Variants in ACAT2 observed in about 807,000 individuals in gnomAD.
ACAT2 encodes the protein acetyl-CoA acetyltransferase 2.
A neutral mutation model predicts 37.1 loss-of-function variants in ACAT2; 26 were observed. The ratio of observed to expected loss-of-function variants is 0.70; its 90% confidence interval spans 0.51 to 0.97. The LOEUF is 0.97. Among genes scored for constraint, ACAT2 ranks in the 50% least tolerant of loss-of-function variants. ACAT2 has a pLI of 0.00. For missense variants in ACAT2, 468 were observed against 489.0 expected (o/e 0.96, Z 0.40); for synonymous variants, 156 against 163.6 (o/e 0.95, Z 0.35).
At chr6:159,764,549 A>G (rs1041376696) in intron 2 of ACAT2, among the ~76,000 whole-genome samples, 1 of 152,114 alleles carries the variant, frequency 6.6e-6, no homozygotes, top group Non-Finnish European at 1.5e-5. Flanking sequence ...GCTCCACGGT[A>G]TCCTCCCACC....
chr6:159,776,852 A>G (rs9355750), intron 6 of ACAT2, among the ~76,000 whole-genome samples: 33,349 of 151,702 alleles, frequency 0.22, 3,837 homozygotes, highest in East Asian at 0.4. Context: ...GCAGTGGTGC[A>G]ATCTTGGCTC....
intron 2 of ACAT2, 45 bp downstream of exon 2, chr6:159,763,098 G>A: frequency 1.3e-6 from 2 of 1,582,054 alleles, no homozygotes; most frequent in Non-Finnish European, 1.7e-6. Flanking sequence ...ATTAGAAACA[G>A]CCCATAAACA....
chr6:159,762,796 G>A (rs764857167), intron 1 of ACAT2, 123 bp from the exon 2 acceptor site: 1 of 1,595,112 alleles, frequency 6.3e-7, no homozygotes, highest in Admixed American at 1.7e-5. Flanking sequence ...ACGTGTGGGA[G>A]GAGAGGGCAC....
At position 159,778,423 on chromosome 6, in the gene ACAT2, T is replaced by TAAA. The variant is rs1562480807; in HGVS notation, c.1023+143_1023+144insAAA. 6.9e-3 allele frequency: 579 copies of TAAA among 83,916 alleles called. 3 individuals carry two copies. Among genetic ancestry groups the TAAA allele is most frequent in the South Asian group, 0.024 (72 of 2,954 alleles). 5.2% of individuals were successfully genotyped at this position (83,916 alleles called of 1,614,324 possible). On this transcript the variant is annotated intron_variant, in intron 8 of 8. Transcript: ENST00000367048. ...GACTGAGTTCATTACTTCCCAAGGT[T>TAAA]TAAAAAAAAAAAAAAAAAAAAAAAA...
chr6:159,776,936 A>G (rs78846709), intron 6 of ACAT2, among the ~76,000 whole-genome samples: 1 of 152,144 alleles, frequency 6.6e-6, no homozygotes, highest in Non-Finnish European at 1.5e-5. Flanking sequence ...CTACAGGCGC[A>G]CACCACCACA....
At position 159,777,462 on chromosome 6, in the gene ACAT2, T is replaced by C; in HGVS notation, c.912+6T>C. On this transcript the variant is annotated splice_donor_region_variant and intron_variant, in intron 7 of 8. Coordinates refer to ENST00000367048, the MANE Select transcript of ACAT2 (RefSeq NM_005891.3). ...TTCCAGCCATAAAGCAAGCTGTGAG[T>C]ATAACCCTATTCCCTTTTATGAAAT... 1.9e-6 allele frequency: 3 copies of C among 1,610,674 alleles called. No individual in the cohort carries two copies. In the East Asian group the frequency reaches 6.7e-5, roughly 36 times the overall value.
chr6:159,762,362 C>A, intron 1 of ACAT2: 1 of 1,311,284 alleles, frequency 7.6e-7, no homozygotes, highest in South Asian at 1.6e-5. Context: ...CTCCGTCCCT[C>A]GTGCTTGGAT....
intron 2 of ACAT2, among the ~76,000 whole-genome samples, chr6:159,763,606 C>G (rs1780196722): frequency 6.6e-6 from 1 of 150,448 alleles, no homozygotes; most frequent in Non-Finnish European, 1.5e-5. Flanking sequence ...TGACCTACAC[C>G]ACCTACACTG....
chr6:159,773,365 T>C (rs888364880), intron 4 of ACAT2, among the ~76,000 whole-genome samples: 1 of 152,090 alleles, frequency 6.6e-6, no homozygotes, highest in African/African-American at 2.4e-5. Flanking sequence ...CAACAAGCAG[T>C]CCTGACACCC....
chr6:159,766,395 A>ACCC (rs77560449), intron 2 of ACAT2, among the ~76,000 whole-genome samples: 4 of 148,462 alleles, frequency 2.7e-5, no homozygotes, highest in African/African-American at 9.9e-5. Flanking sequence ...TTATTTAAGC[A>ACCC]CCCCCCCGCA....
At chr6:159,765,147 A>C (rs1780233176) in intron 2 of ACAT2, among the ~76,000 whole-genome samples, 1 of 151,980 alleles carries the variant, frequency 6.6e-6, no homozygotes, top group Admixed American at 6.6e-5. Flanking sequence ...ATGGAGTCCC[A>C]CTCTGTTGCC....
chr6:159,779,002 G>T lies in ACAT2; in HGVS notation c.*173G>T. On this transcript the variant is annotated 3_prime_UTR_variant, in exon 9 of 9. Transcript: ENST00000367048. ...GTGTAATACTCAACTCAAGGTACAA[G>T]ACAATTGCATTTAACATTGTTATAA... 6.3e-7 allele frequency: 1 copy of T among 1,591,788 alleles called. No homozygotes were observed. The highest frequency in any genetic ancestry group is 8.6e-7 in the Non-Finnish European group (1 of 1,163,652).
chr6:159,770,548 G>A (rs546501826), intron 4 of ACAT2, among the ~76,000 whole-genome samples: 20 of 152,060 alleles, frequency 1.3e-4, no homozygotes, highest in East Asian at 3.9e-4. Flanking sequence ...ATGGTGGCTC[G>A]CACCTGTAAT....
chr6:159,762,977 C>A lies in ACAT2; in HGVS notation c.114C>A (p.Ile38=), dbSNP rs202072212. 1.5e-5 allele frequency: 25 copies of A among 1,614,150 alleles called. No homozygotes were observed. In the East Asian group the frequency reaches 4.0e-4, roughly 26 times the overall value. ...TCCAGGACCTGGGCTCCACTGTCAT[C>A]AAAGAAGTCTTGAAGAGGGCCACTG... The part of the protein sequence containing the change: ...VPVQDLGSTV[I]KEVLKRATVA... The change falls in exon 2 of 9, where the codon ATC becomes ATA. Residue 38 remains isoleucine (I), a synonymous_variant. Transcript: ENST00000367048.
intron 4 of ACAT2, among the ~76,000 whole-genome samples, chr6:159,769,841 G>C (rs867468277): frequency 1.3e-5 from 2 of 152,206 alleles, no homozygotes; most frequent in African/African-American, 2.4e-5. Context: ...AAGAAAAAAA[G>C]AGCTCCAGAA....
intron 2 of ACAT2, among the ~76,000 whole-genome samples, chr6:159,763,540 A>G (rs1780194777): frequency 6.6e-6 from 1 of 151,874 alleles, no homozygotes; most frequent in African/African-American, 2.4e-5. Flanking sequence ...CCTTCTCTAA[A>G]CAAACAAAAA....
chr6:159,776,342 CTTTATTTATA>C (rs1780413463), intron 6 of ACAT2, 70 bp downstream of exon 6: 1 of 1,529,012 alleles, frequency 6.5e-7, no homozygotes, highest in African/African-American at 1.4e-5. Flanking sequence ...ATATTTTTCT[CTTTATTTATA>C]TACAAAAGTA....
At chr6:159,778,599 TAAGATTTTA>T (rs2114987810) in intron 8 of ACAT2, 51 bp from the exon 9 acceptor site, 1 of 1,565,588 alleles carries the variant, frequency 6.4e-7, no homozygotes, top group East Asian at 2.3e-5. Flanking sequence ...AAGACAAGTT[TAAGATTTTA>T]AACTGTGTCC....
chr6:159,765,226 C>G (rs1780234830), intron 2 of ACAT2, among the ~76,000 whole-genome samples: 1 of 151,944 alleles, frequency 6.6e-6, no homozygotes, highest in South Asian at 2.1e-4. Flanking sequence ...AGTGATTCTT[C>G]TGCCTCAGCC....
Sources: gnomAD v4.1 joint callset for allele counts (sites outside exome capture counted in the v4.1 genomes callset) on GRCh38, gnomAD v4.1.1 for gene constraint, MANE v1.5 for transcripts, NCBI Gene and HGNC (gene_info 2026-07-23, HGNC 2026-07-21) for gene names.